RBMS3: variants seen among roughly 807,000 people sequenced by gnomAD.
The protein encoded by RBMS3 is RNA binding motif single stranded interacting protein 3.
A neutral mutation model predicts 66.8 loss-of-function variants in RBMS3; 27 were observed. The ratio of observed to expected loss-of-function variants is 0.40; its 90% CI spans 0.30 to 0.56. RBMS3 has a LOEUF of 0.56. RBMS3 is among the 20% of genes least tolerant of loss of function. The probability of loss-of-function intolerance (pLI) is 0.40; values close to 1 mark genes in which losing one functional copy is unlikely to be tolerated. For synonymous variants in RBMS3, 188 were observed against 183.0 expected (o/e 1.03, Z -0.22); for missense variants, 513 against 549.5 (o/e 0.93, Z 0.66).
intron 3 of RBMS3, among the ~76,000 whole-genome samples, chr3:29,552,777 T>C (rs2046218820): frequency 6.6e-6 from 1 of 152,178 alleles, no homozygotes; most frequent in African/African-American, 2.4e-5. Context: ...ACACAAAATA[T>C]ATGTGTTCTC....
chr3:29,359,735 G>A (rs2037449764), intron 1 of RBMS3, among the ~76,000 whole-genome samples: 1 of 152,118 alleles, frequency 6.6e-6, no homozygotes, highest in Admixed American at 6.5e-5. Context: ...CCTGTTATTG[G>A]TCTATTCAGA....
intron 1 of RBMS3, among the ~76,000 whole-genome samples, chr3:29,429,678 C>G (rs1317573741): frequency 6.6e-6 from 1 of 152,182 alleles, no homozygotes; most frequent in Admixed American, 6.5e-5. Flanking sequence ...ACCGTAAGTA[C>G]TCTCTCCTCC....
chr3:29,414,472 A>G (rs1303484884), intron 1 of RBMS3, among the ~76,000 whole-genome samples: 1 of 152,194 alleles, frequency 6.6e-6, no homozygotes, highest in Admixed American at 6.5e-5. Context: ...AGTTGCTCAG[A>G]AATGCTTTTT....
chr3:29,327,843 C>T (rs1293905448), intron 1 of RBMS3, among the ~76,000 whole-genome samples: 15 of 152,150 alleles, frequency 9.9e-5, no homozygotes. Flanking sequence ...CATTTCAGTT[C>T]ATCAAGATTA....
Position 29,517,326 on chromosome 3 carries a change from T to TTG in RBMS3, c.307+28828_307+28829insGT, listed in dbSNP as rs1553614662. On this transcript the variant is annotated intron_variant, in intron 3 of 14. Transcript: ENST00000383767. ...GTGTGTGTATATATATATATTTTTT[T>TTG]TTTGTTTTTTTTTTGAAACAGAGTC... 1.7e-3 allele frequency among the ~76,000 whole-genome samples: 235 copies of TTG among 134,530 alleles called. 3 individuals are homozygous for TTG. Among genetic ancestry groups the TTG allele is most frequent in the African/African-American group, 4.1e-3 (121 of 29,828 alleles). 88.3% of individuals were successfully genotyped at this position (134,530 alleles called of 152,430 possible).
chr3:29,916,265 G>A (rs1265510797), intron 10 of RBMS3, among the ~76,000 whole-genome samples: 2 of 151,828 alleles, frequency 1.3e-5, no homozygotes, highest in Non-Finnish European at 2.9e-5. Flanking sequence ...TACTTTTGGT[G>A]CTATACAGAT....
At chr3:29,549,695 T>C (rs1259476389) in intron 3 of RBMS3, among the ~76,000 whole-genome samples, 1 of 152,066 alleles carries the variant, frequency 6.6e-6, no homozygotes, top group African/African-American at 2.4e-5. Flanking sequence ...CCACCGTGGA[T>C]TGATTTTTAA....
At chr3:29,326,588 C>T (rs1008304410) in intron 1 of RBMS3, among the ~76,000 whole-genome samples, 7 of 152,020 alleles carry the variant, frequency 4.6e-5, no homozygotes, top group African/African-American at 1.7e-4. Context: ...CTACCTTCCT[C>T]ACTACCTTCT....
chr3:29,603,982 G>A (rs568392235), intron 4 of RBMS3, among the ~76,000 whole-genome samples: 2 of 152,076 alleles, frequency 1.3e-5, no homozygotes, highest in East Asian at 3.9e-4. Flanking sequence ...CACAACTAGG[G>A]CACAAGTTGC....
intron 6 of RBMS3, among the ~76,000 whole-genome samples, chr3:29,861,626 CAG>C (rs1293809837): frequency 6.6e-6 from 1 of 152,122 alleles, no homozygotes; most frequent in Non-Finnish European, 1.5e-5. Flanking sequence ...AAATTGTAAA[CAG>C]AAAATCAAAA....
intron 3 of RBMS3, among the ~76,000 whole-genome samples, chr3:29,515,244 C>G (rs1190027838): frequency 1.3e-5 from 2 of 152,046 alleles, no homozygotes; most frequent in African/African-American, 4.8e-5. Flanking sequence ...AAAGATTTAC[C>G]TGGAAAAGGA....
chr3:29,754,882 A>T (rs560929635), intron 5 of RBMS3, among the ~76,000 whole-genome samples: 1 of 152,314 alleles, frequency 6.6e-6, no homozygotes, highest in East Asian at 1.9e-4. Context: ...CTGGTCAGGA[A>T]CAAAAATGCC....
At chr3:29,318,638 C>T (rs72849599) in intron 1 of RBMS3, among the ~76,000 whole-genome samples, 9,339 of 151,960 alleles carry the variant, frequency 0.061, 333 homozygotes, top group East Asian at 0.17. Context: ...AAAGTCACAA[C>T]CAATGTAGGT....
intron 1 of RBMS3, 63 bp from the exon 2 acceptor site, chr3:29,434,680 G>T: frequency 6.4e-7 from 1 of 1,556,766 alleles, no homozygotes; most frequent in Non-Finnish European, 8.7e-7. Flanking sequence ...TTCAAGTTGT[G>T]CTGCTGGCCT....
intron 1 of RBMS3, among the ~76,000 whole-genome samples, chr3:29,306,170 A>T (rs889682992): frequency 6.6e-6 from 1 of 151,906 alleles, no homozygotes; most frequent in Non-Finnish European, 1.5e-5. Context: ...TCATAATTGC[A>T]TACCAATTTT....
intron 2 of RBMS3, among the ~76,000 whole-genome samples, chr3:29,471,506 T>G (rs2042724484): frequency 6.6e-6 from 1 of 152,184 alleles, no homozygotes; most frequent in South Asian, 2.1e-4. Flanking sequence ...TATATTTCAT[T>G]TTGTTGTTAG....
intron 4 of RBMS3, among the ~76,000 whole-genome samples, chr3:29,628,601 A>G (rs1408422523): frequency 6.6e-6 from 1 of 152,136 alleles, no homozygotes; most frequent in Non-Finnish European, 1.5e-5. Flanking sequence ...TATATATGTA[A>G]CTTTTACATG....
At chr3:29,664,189 A>G (rs900556850) in intron 4 of RBMS3, among the ~76,000 whole-genome samples, 1 of 152,136 alleles carries the variant, frequency 6.6e-6, no homozygotes, top group African/African-American at 2.4e-5. Context: ...GCATTTGTTG[A>G]TAAAAGTTAA....
At chr3:29,807,523 A>AC (rs2057595201) in intron 6 of RBMS3, among the ~76,000 whole-genome samples, 1 of 151,962 alleles carries the variant, frequency 6.6e-6, no homozygotes, top group Non-Finnish European at 1.5e-5. Context: ...ATTTGTACAA[A>AC]GATATTCACT....
Sources: allele counts gnomAD v4.1 joint callset (sites outside exome capture counted in the v4.1 genomes callset), GRCh38; gene constraint gnomAD v4.1.1; transcripts MANE v1.5; gene names NCBI Gene and HGNC (gene_info 2026-07-23, HGNC 2026-07-21).